Variants in SLC25A13 observed in about 807,000 individuals in gnomAD.
SLC25A13 encodes solute carrier family 25 member 13, also known as electrogenic aspartate/glutamate antiporter SLC25A13, mitochondrial.
A neutral mutation model predicts 85.5 loss-of-function variants in SLC25A13; 70 were observed. The observed-to-expected ratio is 0.82, with a 90% CI of 0.68 to 1.00. The LOEUF (loss-of-function observed/expected upper bound fraction) is 1.00. Ranked by LOEUF, SLC25A13 falls within the 50% of genes least tolerant of loss-of-function variation. The pLI, the probability that SLC25A13 is intolerant of heterozygous loss-of-function variation, is 0.00. For missense variants in SLC25A13, 765 were observed against 819.8 expected (o/e 0.93, Z 0.82); for synonymous variants, 259 against 288.7 (o/e 0.90, Z 1.04).
chr7:96,243,384 C>A (rs1797064633), intron 3 of SLC25A13, among the ~76,000 whole-genome samples: 1 of 152,166 alleles, frequency 6.6e-6, no homozygotes, highest in South Asian at 2.1e-4. Flanking sequence ...CCTCAAGGAA[C>A]CACATTTGCA....
In SLC25A13 at chr7:96,200,073, G is replaced by C. The variant is rs138059994; in HGVS notation, c.469-6890C>G. Reference sequence around the variant, plus strand: ...AGAGCCAGGTGATTTATATTATAAAGCCAAAAATGCCAAAAAATAAATATA... The same window carrying C: ...AGAGCCAGGTGATTTATATTATAAACCCAAAAATGCCAAAAAATAAATATA... On this transcript the variant is annotated intron_variant, in intron 5 of 17. Coordinates refer to ENST00000265631, the MANE Select transcript of SLC25A13 (RefSeq NM_014251.3). Among the ~76,000 whole-genome samples, 1,194 of 152,036 alleles carry C rather than the reference G, an allele frequency of 7.9e-3. 15 individuals are homozygous for C. Among genetic ancestry groups the C allele is most frequent in the African/African-American group, 0.027 (1,107 of 41,490 alleles).
At chr7:96,144,134 G>T (rs1010131487) in intron 14 of SLC25A13, among the ~76,000 whole-genome samples, 1 of 152,174 alleles carries the variant, frequency 6.6e-6, no homozygotes, top group Non-Finnish European at 1.5e-5. Flanking sequence ...TAGAAAGATG[G>T]ATCTTAACCT....
chr7:96,273,434 G>A (rs184391499), intron 3 of SLC25A13, among the ~76,000 whole-genome samples: 21 of 152,278 alleles, frequency 1.4e-4, no homozygotes, highest in East Asian at 3.9e-4. Context: ...ATATGGAATA[G>A]ACATTAGCTG....
At chr7:96,195,596 TTCA>T (rs375663970) in intron 5 of SLC25A13, among the ~76,000 whole-genome samples, 19 of 152,224 alleles carry the variant, frequency 1.2e-4, no homozygotes, top group Non-Finnish European at 1.8e-4. Flanking sequence ...CCAATGACCC[TTCA>T]TCATACAGAC....
chr7:96,187,699 A>G (rs985103576), intron 9 of SLC25A13, among the ~76,000 whole-genome samples: 11 of 152,154 alleles, frequency 7.2e-5, no homozygotes, highest in Non-Finnish European at 1.5e-4. Context: ...TAACTTTTCC[A>G]AAGCCAGAAC....
At chr7:96,304,658 T>C (rs576104151) in intron 1 of SLC25A13, among the ~76,000 whole-genome samples, 1 of 152,236 alleles carries the variant, frequency 6.6e-6, no homozygotes, top group African/African-American at 2.4e-5. Context: ...CTCCAGAGGT[T>C]GCTAAAAGAA....
intron 11 of SLC25A13, among the ~76,000 whole-genome samples, chr7:96,177,544 T>G (rs1794270185): frequency 6.6e-6 from 1 of 152,140 alleles, no homozygotes; most frequent in Admixed American, 6.5e-5. Context: ...TTACCTAATC[T>G]CTTTGTATCT....
intron 11 of SLC25A13, among the ~76,000 whole-genome samples, chr7:96,182,162 C>A (rs1286641214): frequency 6.6e-6 from 1 of 152,126 alleles, no homozygotes; most frequent in Admixed American, 6.5e-5. Context: ...TGATCCCTGA[C>A]CAATCAAGAA....
chr7:96,217,639 C>G (rs968075093), intron 4 of SLC25A13, among the ~76,000 whole-genome samples: 3 of 152,130 alleles, frequency 2.0e-5, no homozygotes, highest in Non-Finnish European at 4.4e-5. Flanking sequence ...TGAAAGCCCA[C>G]ATTTTATGAT....
At chr7:96,274,014 A>AT (rs1281706584) in intron 3 of SLC25A13, among the ~76,000 whole-genome samples, 1 of 152,170 alleles carries the variant, frequency 6.6e-6, no homozygotes, top group Non-Finnish European at 1.5e-5. Flanking sequence ...CAAGCAAAGA[A>AT]TCCCCCTTGG....
chr7:96,222,979 T>C (rs1796190485), intron 4 of SLC25A13, among the ~76,000 whole-genome samples: 1 of 152,196 alleles, frequency 6.6e-6, no homozygotes, highest in Non-Finnish European at 1.5e-5. Flanking sequence ...TTAAATAAGA[T>C]ATATGTCTAC....
intron 3 of SLC25A13, among the ~76,000 whole-genome samples, chr7:96,260,957 C>A (rs1797831330): frequency 6.6e-6 from 1 of 152,116 alleles, no homozygotes; most frequent in Non-Finnish European, 1.5e-5. Context: ...TCTACAACAT[C>A]TACATAACCT....
chr7:96,283,750 T>C, intron 2 of SLC25A13: 1 of 220,330 alleles, frequency 4.5e-6, no homozygotes, highest in Non-Finnish European at 8.9e-6. Context: ...GCACACTTTG[T>C]GAGAACTCAC....
At position 96,272,224 on chromosome 7, in the gene SLC25A13, T is replaced by C. The variant is rs557151813; in HGVS notation, c.212+4972A>G. Among the ~76,000 whole-genome samples the C allele has an allele frequency of 4.6e-5, 7 of 152,232 alleles. No individual in the cohort carries two copies. In the South Asian group the frequency reaches 1.0e-3, roughly 23 times the overall value. On this transcript the variant is annotated intron_variant, in intron 3 of 17. Transcript: ENST00000265631. ...TTATTTTTTAAACATTTTTGCTCTT[T>C]CTTATACCTTCAGAGGTCTTCCAAT...
At chr7:96,309,923 G>A (rs1393415380) in intron 1 of SLC25A13, among the ~76,000 whole-genome samples, 1 of 152,122 alleles carries the variant, frequency 6.6e-6, no homozygotes, top group East Asian at 1.9e-4. Flanking sequence ...AGATGATGAA[G>A]GGGACCCTAA....
At chr7:96,247,198 C>A (rs1367959644) in intron 3 of SLC25A13, among the ~76,000 whole-genome samples, 1 of 152,160 alleles carries the variant, frequency 6.6e-6, no homozygotes, top group Non-Finnish European at 1.5e-5. Flanking sequence ...TTTAGCATAA[C>A]CCTTCACTGA....
intron 11 of SLC25A13, among the ~76,000 whole-genome samples, chr7:96,182,295 G>A (rs1045221289): frequency 1.1e-4 from 16 of 152,306 alleles, no homozygotes; most frequent in Non-Finnish European, 1.2e-4. Context: ...AAATTTTACA[G>A]TAAATTTTTT....
intron 1 of SLC25A13, among the ~76,000 whole-genome samples, chr7:96,316,533 G>A (rs1044263402): frequency 1.3e-5 from 2 of 152,266 alleles, no homozygotes; most frequent in East Asian, 3.9e-4. Flanking sequence ...GCAGCGCAGA[G>A]GTTAAGAGCA....
chr7:96,289,471 G>A (rs1275805144), intron 2 of SLC25A13, among the ~76,000 whole-genome samples: 12 of 152,044 alleles, frequency 7.9e-5, no homozygotes, highest in Non-Finnish European at 1.2e-4. Context: ...AGCTAAAGGA[G>A]GAAGTTCGAA....
Sources: gnomAD v4.1 joint callset for allele counts (sites outside exome capture counted in the v4.1 genomes callset) on GRCh38, gnomAD v4.1.1 for gene constraint, MANE v1.5 for transcripts, NCBI Gene and HGNC (gene_info 2026-07-23, HGNC 2026-07-21) for gene names.